The following COL26A1 variants were observed in gnomAD, a reference collection of about 807,000 sequenced individuals.
COL26A1 encodes the protein collagen alpha-1(XXVI) chain.
A neutral mutation model predicts 59.3 loss-of-function variants in COL26A1; 41 were observed. That is an observed-to-expected ratio of 0.69 (90% confidence interval 0.54 to 0.90). The LOEUF (loss-of-function observed/expected upper bound fraction) is 0.90. Among genes scored for constraint, COL26A1 ranks in the 40% least tolerant of loss-of-function variants. COL26A1 has a pLI of 0.00. For synonymous variants in COL26A1, 266 were observed against 256.0 expected (o/e 1.04, Z -0.37); for missense variants, 612 against 602.3 (o/e 1.02, Z -0.17).
intron 3 of COL26A1, among the ~76,000 whole-genome samples, chr7:101,476,053 C>A (rs1302113327): frequency 2.0e-5 from 3 of 151,562 alleles, no homozygotes; most frequent in African/African-American, 7.3e-5. Flanking sequence ...CAGCTCACTG[C>A]AACCTCTGCC....
chr7:101,423,091 C>T (rs1038578893), intron 2 of COL26A1, among the ~76,000 whole-genome samples: 2 of 151,968 alleles, frequency 1.3e-5, no homozygotes, highest in South Asian at 2.1e-4. Context: ...ATGGAGAAAC[C>T]CTGTCTCCAC....
chr7:101,460,231 G>C (rs890159886), intron 3 of COL26A1, among the ~76,000 whole-genome samples: 1 of 152,100 alleles, frequency 6.6e-6, no homozygotes, highest in African/African-American at 2.4e-5. Context: ...AGAGTGTGCA[G>C]GGGCCAGAGG....
chr7:101,381,780 G>C (rs999374454), intron 1 of COL26A1, among the ~76,000 whole-genome samples: 15 of 152,114 alleles, frequency 9.9e-5, no homozygotes, highest in Non-Finnish European at 1.8e-4. Context: ...TCAAACCATA[G>C]CACTGCATAA....
At chr7:101,374,571 C>A (rs1269310190) in intron 1 of COL26A1, among the ~76,000 whole-genome samples, 1 of 152,164 alleles carries the variant, frequency 6.6e-6, no homozygotes, top group East Asian at 1.9e-4. Context: ...CTGTTGTAAA[C>A]TGCACAGGCG....
intron 3 of COL26A1, among the ~76,000 whole-genome samples, chr7:101,463,188 A>G (rs1041741443): frequency 2.6e-5 from 4 of 152,218 alleles, no homozygotes; most frequent in Admixed American, 6.5e-5. Flanking sequence ...AATTGCACAC[A>G]CATTGTAATA....
chr7:101,452,875 C>T (rs1393641019), intron 3 of COL26A1, among the ~76,000 whole-genome samples: 1 of 151,994 alleles, frequency 6.6e-6, no homozygotes, highest in African/African-American at 2.4e-5. Context: ...ACGGATTCTC[C>T]TGTCTTAGCC....
intron 1 of COL26A1, among the ~76,000 whole-genome samples, chr7:101,401,754 G>A (rs1792011466): frequency 7.2e-6 from 1 of 138,778 alleles, no homozygotes; most frequent in Admixed American, 7.0e-5. Flanking sequence ...GGAAGAGGAG[G>A]AAGAGGAGGA....
chr7:101,401,640 G>GAGAGGAGGAGGTGGAGGAGGA (rs1792002571), intron 1 of COL26A1, among the ~76,000 whole-genome samples: 1 of 126,546 alleles, frequency 7.9e-6, no homozygotes, highest in African/African-American at 2.6e-5. Flanking sequence ...GCAGAAGAGG[G>GAGAGGAGGAGGTGGAGGAGGA]AGAGGAGGAG....
intron 1 of COL26A1, among the ~76,000 whole-genome samples, chr7:101,403,348 G>A (rs1792058039): frequency 6.6e-6 from 1 of 152,000 alleles, no homozygotes; most frequent in African/African-American, 2.4e-5. Flanking sequence ...GCTCTACTAA[G>A]TCTCTACTAA....
chr7:101,505,669 G>A (rs1195020605), intron 3 of COL26A1, among the ~76,000 whole-genome samples: 5 of 152,176 alleles, frequency 3.3e-5, no homozygotes, highest in Non-Finnish European at 4.4e-5. Flanking sequence ...ATTCTTCTGC[G>A]TGCTTTGTGT....
rs1241145113 is a variant in COL26A1, at chr7:101,489,667, TCCTTCCTTC to T, written c.385+41882_385+41890del. Among the ~76,000 whole-genome samples the T allele has an allele frequency of 1.4e-3, 70 of 50,282 alleles. 6 individuals are homozygous for T. Among genetic ancestry groups the T allele is most frequent in the African/African-American group, 3.1e-3 (15 of 4,854 alleles). 33.0% of individuals were successfully genotyped at this position (50,282 alleles called of 152,430 possible). ...TTTCTTTCTTTCTTTCTTTCTTCCTTCCTTCCTTCCTTCCTTTCTTTCTTTCTTTCTGTC... is the reference window on the plus strand; with the variant it reads ...TTTCTTTCTTTCTTTCTTTCTTCCTTCTTCCTTTCTTTCTTTCTTTCTGTC... On this transcript the variant is annotated intron_variant, in intron 3 of 12. Transcript: ENST00000313669.
intron 2 of COL26A1, among the ~76,000 whole-genome samples, chr7:101,436,699 G>GCCCTC (rs1410219206): frequency 1.3e-5 from 2 of 150,894 alleles, no homozygotes; most frequent in Admixed American, 1.3e-4. Context: ...TCTCCGGGGA[G>GCCCTC]CCCTCCCCAC....
chr7:101,440,307 A>G (rs1407008836), intron 2 of COL26A1, among the ~76,000 whole-genome samples: 1 of 151,790 alleles, frequency 6.6e-6, no homozygotes, highest in East Asian at 1.9e-4. Flanking sequence ...TGAAGGCTGC[A>G]GGGAGCTGAG....
chr7:101,547,777 G>A (rs572923759), intron 8 of COL26A1, among the ~76,000 whole-genome samples: 10 of 151,962 alleles, frequency 6.6e-5, no homozygotes, highest in South Asian at 4.1e-4. Context: ...TCATTCATTC[G>A]TTCATTCATT....
At chr7:101,539,245 C>T (rs1209032891) in intron 4 of COL26A1, among the ~76,000 whole-genome samples, 2 of 151,930 alleles carry the variant, frequency 1.3e-5, no homozygotes, top group East Asian at 3.9e-4. Flanking sequence ...CCCTTTCACT[C>T]TCCTCCCTCC....
chr7:101,399,199 A>T (rs1379822888), intron 1 of COL26A1, among the ~76,000 whole-genome samples: 3 of 151,662 alleles, frequency 2.0e-5, no homozygotes, highest in African/African-American at 4.8e-5. Context: ...TCAGCTGCTC[A>T]GGAGGCTGAG....
At chr7:101,426,558 T>G (rs1792653715) in intron 2 of COL26A1, among the ~76,000 whole-genome samples, 1 of 152,120 alleles carries the variant, frequency 6.6e-6, no homozygotes, top group Non-Finnish European at 1.5e-5. Flanking sequence ...CACAGTTTTC[T>G]CCTATCAGAG....
At position 101,363,156 on chromosome 7, in the gene COL26A1, G is replaced by T. The variant is rs2116984351; in HGVS notation, c.124G>T (p.Ala42Ser). Reference protein sequence around the residue: ...LQQHGYPEPGAGSPGSGYASR... With the variant: ...LQQHGYPEPGSGSPGSGYASR... Reference sequence around the variant, plus strand: ...GCAGCACGGCTACCCCGAGCCCGGCGCCGGCTCCCCTGGCAGCGGCTACGC... The same window carrying T: ...GCAGCACGGCTACCCCGAGCCCGGCTCCGGCTCCCCTGGCAGCGGCTACGC... The change falls in exon 1 of 13, where the codon GCC (alanine) becomes TCC (serine). Residue 42 changes from alanine (A) to serine (S), a missense_variant. Physicochemically the swap from Ala to Ser is moderately conservative, Grantham distance 99 (BLOSUM62 1). Transcript: ENST00000313669. 1 of 1,472,438 alleles carries T rather than the reference G, an allele frequency of 6.8e-7. No individual in the cohort carries two copies. Among genetic ancestry groups the T allele is most frequent in the Non-Finnish European group, 9.0e-7 (1 of 1,115,966 alleles). The allele number at this position is 1,472,438 out of a possible 1,614,324, so 91.2% of individuals were successfully genotyped here. A position where few individuals can be genotyped will look rare whatever the true frequency, so the allele number is the denominator to read the frequency against.
rs1010568402 is a variant in COL26A1, at chr7:101,416,660, G to A, written c.159-3317G>A. 5.6e-5 allele frequency among the ~76,000 whole-genome samples: 8 copies of A among 143,566 alleles called. 1 individual carries two copies. The highest frequency in any genetic ancestry group is 9.5e-5 in the Non-Finnish European group (6 of 63,388). 94.2% of individuals were successfully genotyped at this position (143,566 alleles called of 152,430 possible). A position where few individuals can be genotyped will look rare whatever the true frequency, so the allele number is the denominator to read the frequency against. On this transcript the variant is annotated intron_variant, in intron 1 of 12. Coordinates refer to ENST00000313669, the MANE Select transcript of COL26A1 (RefSeq NM_001278563.3). ...TCACAGCTTAGATTTGCAGCTCATC[G>A]GTTTGCCCTTTAGCTGTTTCCATTC...
Sources: gnomAD v4.1 joint callset for allele counts (sites outside exome capture counted in the v4.1 genomes callset) on GRCh38, gnomAD v4.1.1 for gene constraint, MANE v1.5 for transcripts, NCBI Gene and HGNC (gene_info 2026-07-23, HGNC 2026-07-21) for gene names.